ANKS1B: variants seen among roughly 807,000 people sequenced by gnomAD.
The protein encoded by ANKS1B is ankyrin repeat and sterile alpha motif domain-containing protein 1B.
ANKS1B carries 36 observed loss-of-function variants against 148.3 expected under a neutral mutation model. The ratio of observed to expected loss-of-function variants is 0.24; its 90% CI spans 0.19 to 0.32. ANKS1B has a LOEUF of 0.32. Among genes scored for constraint, ANKS1B ranks in the 10% least tolerant of loss-of-function variants. The probability of loss-of-function intolerance (pLI) is 1.00; values close to 1 mark genes in which losing one functional copy is unlikely to be tolerated. For synonymous variants in ANKS1B, 542 were observed against 560.8 expected (o/e 0.97, Z 0.47); for missense variants, 1,157 against 1,542.6 (o/e 0.75, Z 4.19).
intron 16 of ANKS1B, among the ~76,000 whole-genome samples, chr12:99,071,644 C>CTTTTTTT (rs71646503): frequency 7.0e-6 from 1 of 143,142 alleles, no homozygotes. Flanking sequence ...TAATCTCTCT[C>CTTTTTTT]TTTTTTTTTT....
intron 12 of ANKS1B, among the ~76,000 whole-genome samples, chr12:99,280,957 T>G (rs963426963): frequency 2.0e-5 from 3 of 151,454 alleles, no homozygotes; most frequent in Admixed American, 6.6e-5. Flanking sequence ...TCTCTCTCTC[T>G]CTCGCTATTG....
chr12:99,828,226 C>A (rs2083450448), intron 1 of ANKS1B, among the ~76,000 whole-genome samples: 1 of 152,186 alleles, frequency 6.6e-6, no homozygotes, highest in African/African-American at 2.4e-5. Flanking sequence ...GAAAGGGAGA[C>A]ATTCTCTGGC....
Position 99,781,996 on chromosome 12 carries a change from G to A in ANKS1B, c.745+26C>T, listed in dbSNP as rs1430488894. 57 of 1,560,232 alleles carry A rather than the reference G, an allele frequency of 3.7e-5. No homozygotes were observed. The East Asian group carries it at 1.3e-3, about 35-fold the overall frequency. ...ATAGAAATGTTATCTGTCAGGATAAGCTCCATGCAGAATCACAATAGTTAC... is the reference window on the plus strand; with the variant it reads ...ATAGAAATGTTATCTGTCAGGATAAACTCCATGCAGAATCACAATAGTTAC... On this transcript the variant is annotated intron_variant, in intron 5 of 26. Coordinates refer to ENST00000683438, the MANE Select transcript of ANKS1B (RefSeq NM_001352186.2).
intron 11 of ANKS1B, among the ~76,000 whole-genome samples, chr12:99,420,960 C>G (rs2095062201): frequency 6.6e-6 from 1 of 152,114 alleles, no homozygotes; most frequent in African/African-American, 2.4e-5. Flanking sequence ...ATAGGATTTG[C>G]AGCAAAGTAG....
intron 9 of ANKS1B, among the ~76,000 whole-genome samples, chr12:99,528,479 C>A (rs1358215008): frequency 6.7e-6 from 1 of 149,374 alleles, no homozygotes; most frequent in Non-Finnish European, 1.5e-5. Context: ...AACAGACAAC[C>A]TACAGAATGG....
chr12:99,634,520 C>A (rs183412402), intron 9 of ANKS1B, among the ~76,000 whole-genome samples: 138 of 152,208 alleles, frequency 9.1e-4, no homozygotes, highest in African/African-American at 3.2e-3. Flanking sequence ...CTATTTAATG[C>A]ATAAAAAGAG....
chr12:99,493,869 G>A (rs963305148), intron 10 of ANKS1B, among the ~76,000 whole-genome samples: 8 of 152,180 alleles, frequency 5.3e-5, no homozygotes, highest in African/African-American at 1.9e-4. Context: ...GTTAAGAGAA[G>A]TGGTCTAGCC....
chr12:98,808,350 T>C (rs868413152), intron 19 of ANKS1B, among the ~76,000 whole-genome samples: 8 of 152,188 alleles, frequency 5.3e-5, no homozygotes, highest in African/African-American at 1.9e-4. Context: ...GAGCAAACAG[T>C]GCAATAAAAT....
At chr12:99,122,755 T>A (rs1345731638) in intron 15 of ANKS1B, among the ~76,000 whole-genome samples, 2 of 152,116 alleles carry the variant, frequency 1.3e-5, no homozygotes, top group Non-Finnish European at 2.9e-5. Flanking sequence ...CATTCTTACA[T>A]CTTTTAATAA....
intron 9 of ANKS1B, among the ~76,000 whole-genome samples, chr12:99,537,445 T>A (rs545296863): frequency 9.9e-5 from 15 of 152,270 alleles, no homozygotes; most frequent in African/African-American, 3.6e-4. Flanking sequence ...GTCTTCTGAA[T>A]TAAGCCATTT....
chr12:99,871,640 G>A (rs1164858890), intron 1 of ANKS1B, among the ~76,000 whole-genome samples: 2 of 152,044 alleles, frequency 1.3e-5, no homozygotes, highest in Non-Finnish European at 2.9e-5. Context: ...TTGATTAGCA[G>A]TATTCCTAGG....
chr12:99,491,186 T>C (rs1163760369), intron 10 of ANKS1B, among the ~76,000 whole-genome samples: 1 of 152,090 alleles, frequency 6.6e-6, no homozygotes, highest in African/African-American at 2.4e-5. Context: ...GTGCCTGTAG[T>C]CCCAGCTACT....
chr12:99,197,695 G>A (rs944985910), intron 14 of ANKS1B, among the ~76,000 whole-genome samples: 1 of 152,126 alleles, frequency 6.6e-6, no homozygotes, highest in African/African-American at 2.4e-5. Context: ...GGAGGAAGAG[G>A]CTACAAATCA....
intron 11 of ANKS1B, among the ~76,000 whole-genome samples, chr12:99,429,800 A>G (rs2095332954): frequency 6.9e-6 from 1 of 144,896 alleles, no homozygotes; most frequent in Non-Finnish European, 1.5e-5. Context: ...TGTCTCTACT[A>G]AAAAATACAA....
At chr12:99,752,886 G>A (rs2061241453) in intron 8 of ANKS1B, among the ~76,000 whole-genome samples, 1 of 151,910 alleles carries the variant, frequency 6.6e-6, no homozygotes, top group Non-Finnish European at 1.5e-5. Flanking sequence ...ATACAATAAT[G>A]TAAGAGGTAA....
At chr12:99,059,806 T>TATATATATATATATATA (rs10526013) in intron 16 of ANKS1B, among the ~76,000 whole-genome samples, 118 of 144,536 alleles carry the variant, frequency 8.2e-4, no homozygotes, top group South Asian at 1.7e-3. Context: ...TATATATATA[T>TATATATATATATATATA]GATAGGACGT....
At chr12:99,210,827 T>C (rs2153911570) in intron 14 of ANKS1B, among the ~76,000 whole-genome samples, 1 of 152,210 alleles carries the variant, frequency 6.6e-6, no homozygotes, top group East Asian at 1.9e-4. Flanking sequence ...CCTAATATCC[T>C]TGGCATTATC....
intron 12 of ANKS1B, among the ~76,000 whole-genome samples, chr12:99,397,525 G>A (rs1176169179): frequency 6.6e-6 from 1 of 152,064 alleles, no homozygotes; most frequent in African/African-American, 2.4e-5. Context: ...AAGAAAACGG[G>A]ATGATTTGAT....
intron 17 of ANKS1B, among the ~76,000 whole-genome samples, chr12:98,862,808 T>C (rs11109632): frequency 0.026 from 3,967 of 152,310 alleles, 105 homozygotes; most frequent in East Asian, 0.099. Context: ...TCTTGCTTTA[T>C]ATATTATACA....
Sources: allele counts gnomAD v4.1 joint callset (sites outside exome capture counted in the v4.1 genomes callset), GRCh38; gene constraint gnomAD v4.1.1; transcripts MANE v1.5; gene names NCBI Gene and HGNC (gene_info 2026-07-23, HGNC 2026-07-21).